The following RBFOX1 variants were observed in gnomAD, a reference collection of about 807,000 sequenced individuals.
The protein encoded by RBFOX1 is RNA binding fox-1 homolog 1.
A neutral mutation model predicts 57.7 loss-of-function variants in RBFOX1; 8 were observed. The observed-to-expected ratio is 0.14, with a 90% CI of 0.08 to 0.25. The LOEUF (loss-of-function observed/expected upper bound fraction) is 0.25, where lower values mean the gene tolerates loss of function less well. Among genes scored for constraint, RBFOX1 ranks in the 10% least tolerant of loss-of-function variants. RBFOX1 has a pLI of 1.00. For missense variants in RBFOX1, 611 were observed against 548.5 expected, an observed-to-expected ratio of 1.11 and a Z score of -1.14; for synonymous variants, 326 against 222.4, an observed-to-expected ratio of 1.47 and a Z score of -4.15.
intron 4 of RBFOX1, among the ~76,000 whole-genome samples, chr16:7,403,397 C>T (rs541408147): frequency 6.6e-6 from 1 of 152,316 alleles, no homozygotes; most frequent in African/African-American, 2.4e-5. Context: ...CTGCTCCCTT[C>T]AGCCTCTGGC....
chr16:5,876,649 C>A (rs1012624435), intron 4 of RBFOX1, among the ~76,000 whole-genome samples: 2 of 152,160 alleles, frequency 1.3e-5, no homozygotes, highest in Non-Finnish European at 2.9e-5. Context: ...AAAACCCATT[C>A]CCAGAACCAT....
chr16:6,316,907 G>T, intron 1 of RBFOX1, 88 bp from the exon 2 acceptor site: 2 of 964,240 alleles, frequency 2.1e-6, no homozygotes, highest in Non-Finnish European at 3.1e-6. Flanking sequence ...TTTGAAGGTT[G>T]GTCCATATTA....
intron 3 of RBFOX1, among the ~76,000 whole-genome samples, chr16:7,026,630 G>C (rs1052866527): frequency 6.6e-6 from 1 of 152,042 alleles, no homozygotes; most frequent in African/African-American, 2.4e-5. Flanking sequence ...AAAGGCCTTG[G>C]GTCCCCTGGT....
At chr16:7,709,459 T>TC in intron 15 of RBFOX1, 1 of 1,395,142 alleles carries the variant, frequency 7.2e-7, no homozygotes, top group Non-Finnish European at 9.4e-7. Context: ...TTTTTTTTTC[T>TC]TTTTTTTTCC....
chr16:6,806,875 C>G (rs1475246925), intron 3 of RBFOX1, among the ~76,000 whole-genome samples: 17 of 106,872 alleles, frequency 1.6e-4, no homozygotes, highest in Non-Finnish European at 1.8e-5. Context: ...GCTCTGTTAC[C>G]CAGGCTGGAG....
At chr16:6,716,997 A>T (rs954768967) in intron 3 of RBFOX1, among the ~76,000 whole-genome samples, 8 of 152,188 alleles carry the variant, frequency 5.3e-5, no homozygotes, top group Admixed American at 4.6e-4. Context: ...AAGAAGAGAC[A>T]GAAGAGCTTG....
chr16:5,933,531 A>C (rs2059110362), intron 4 of RBFOX1, among the ~76,000 whole-genome samples: 1 of 152,218 alleles, frequency 6.6e-6, no homozygotes, highest in South Asian at 2.1e-4. Context: ...ATGCTCCTGC[A>C]GGGAAAAGTG....
intron 3 of RBFOX1, among the ~76,000 whole-genome samples, chr16:6,779,650 C>T (rs1260147966): frequency 1.4e-5 from 2 of 141,834 alleles, no homozygotes; most frequent in African/African-American, 2.6e-5. Context: ...CAAGGGTTCC[C>T]TCTTCTCCAT....
At chr16:7,310,305 C>T (rs2096279594) in intron 4 of RBFOX1, among the ~76,000 whole-genome samples, 1 of 152,164 alleles carries the variant, frequency 6.6e-6, no homozygotes, top group South Asian at 2.1e-4. Flanking sequence ...TGTCCTGGCT[C>T]CTGAGAGGGT....
At chr16:7,177,686 G>A (rs1369342479) in intron 4 of RBFOX1, among the ~76,000 whole-genome samples, 1 of 152,084 alleles carries the variant, frequency 6.6e-6, no homozygotes. Flanking sequence ...AAAATTCTAG[G>A]ACAGGGGTCA....
chr16:5,514,753 G>T (rs1191406497), intron 2 of RBFOX1, among the ~76,000 whole-genome samples: 2 of 152,048 alleles, frequency 1.3e-5, no homozygotes, highest in African/African-American at 4.8e-5. Flanking sequence ...AAGGAGGAAG[G>T]GGAAGAGGGG....
At chr16:5,261,744 G>T (rs561653145) in intron 1 of RBFOX1, among the ~76,000 whole-genome samples, 1 of 152,168 alleles carries the variant, frequency 6.6e-6, no homozygotes, top group East Asian at 1.9e-4. Context: ...TAGACACGGG[G>T]TTTCACCGTG....
intron 1 of RBFOX1, among the ~76,000 whole-genome samples, chr16:6,061,099 C>G (rs1237371592): frequency 6.6e-6 from 1 of 152,136 alleles, no homozygotes; most frequent in Non-Finnish European, 1.5e-5. Context: ...CTGATTGGCC[C>G]AGGTCTTTTC....
At chr16:6,911,489 G>C (rs551083059) in intron 3 of RBFOX1, among the ~76,000 whole-genome samples, 1 of 152,086 alleles carries the variant, frequency 6.6e-6, no homozygotes, top group African/African-American at 2.4e-5. Flanking sequence ...ACCTGCATGT[G>C]TTCTCCCCAT....
chr16:7,246,719 T>C lies in RBFOX1; in HGVS notation c.27+194621T>C, dbSNP rs368896081. 4.6e-5 allele frequency among the ~76,000 whole-genome samples: 7 copies of C among 151,716 alleles called. No homozygotes were observed. The East Asian group carries it at 5.8e-4, about 13-fold the overall frequency. On this transcript the variant is annotated intron_variant, in intron 4 of 15. Transcript: ENST00000550418. The stretch of plus-strand genomic sequence containing the variant: ...TTGGTAAAACAGAACTCTTGGAGTT[T>C]TGTTGTGCTGACTGCGGTGGTATCA...
At chr16:5,835,993 T>C (rs998608440) in intron 3 of RBFOX1, among the ~76,000 whole-genome samples, 1 of 152,166 alleles carries the variant, frequency 6.6e-6, no homozygotes, top group Non-Finnish European at 1.5e-5. Context: ...CTGAGGCTGC[T>C]TGGAGGGAGG....
intron 3 of RBFOX1, among the ~76,000 whole-genome samples, chr16:6,669,237 A>G (rs747814444): frequency 2.0e-5 from 3 of 152,214 alleles, no homozygotes; most frequent in Admixed American, 6.5e-5. Flanking sequence ...ACAGAATTCA[A>G]GGGTGGGGTG....
At chr16:7,275,909 G>A (rs1039163601) in intron 4 of RBFOX1, among the ~76,000 whole-genome samples, 1 of 152,174 alleles carries the variant, frequency 6.6e-6, no homozygotes, top group East Asian at 1.9e-4. Flanking sequence ...AAGACTTGGT[G>A]TTGCTGACTC....
chr16:7,322,546 C>G (rs9940951), intron 4 of RBFOX1, among the ~76,000 whole-genome samples: 25,106 of 152,212 alleles, frequency 0.16, 3,137 homozygotes, highest in African/African-American at 0.36. Context: ...AGAAGCTCCT[C>G]TGGAGTCCTT....
Sources: gnomAD v4.1 joint callset for allele counts (sites outside exome capture counted in the v4.1 genomes callset) on GRCh38, gnomAD v4.1.1 for gene constraint, MANE v1.5 for transcripts, NCBI Gene and HGNC (gene_info 2026-07-23, HGNC 2026-07-21) for gene names.